WDR86: variants seen among roughly 807,000 people sequenced by gnomAD.
WDR86 encodes the protein WD repeat-containing protein 86.
Under a neutral mutation model 36.5 loss-of-function variants are expected in WDR86, and 30 were observed. The observed-to-expected ratio is 0.82, with a 90% CI of 0.61 to 1.11. The LOEUF is 1.11. Among genes scored for constraint, WDR86 ranks in the 50% most tolerant of loss-of-function variants. The pLI is 0.00. For synonymous variants in WDR86, 255 were observed against 252.9 expected (o/e 1.01, Z -0.08); for missense variants, 545 against 561.2 (o/e 0.97, Z 0.29).
chr7:151,385,061 C>T (rs751106216), intron 4 of WDR86, 27 bp downstream of exon 4: 5 of 1,565,188 alleles, frequency 3.2e-6, no homozygotes, highest in Non-Finnish European at 3.5e-6. Flanking sequence ...TGGGGTGGCA[C>T]AGGTCGTGCA....
At chr7:151,383,179 G>A (rs77239395) in intron 4 of WDR86, among the ~76,000 whole-genome samples, 25 of 109,932 alleles carry the variant, frequency 2.3e-4, no homozygotes, top group African/African-American at 4.6e-4. Context: ...GCGGCGGGGT[G>A]GGGGGGGGGA....
chr7:151,380,022 C>T (rs1798475059), downstream of WDR86, among the ~76,000 whole-genome samples: 2 of 152,240 alleles, frequency 1.3e-5, no homozygotes, highest in East Asian at 1.9e-4. Flanking sequence ...GTGGCAGCCA[C>T]AGGCCCCAAT....
downstream of WDR86, chr7:151,375,805 A>G (rs753089925): frequency 2.3e-6 from 3 of 1,302,092 alleles, no homozygotes; most frequent in South Asian, 2.4e-5. Context: ...GAATGTGTGA[A>G]GAGTTCTTAG....
intron 2 of WDR86, among the ~76,000 whole-genome samples, 156 bp from the exon 3 acceptor site, chr7:151,396,352 G>T (rs972477331): frequency 6.6e-6 from 1 of 152,146 alleles, no homozygotes; most frequent in Non-Finnish European, 1.5e-5. Flanking sequence ...AGCTCAAATC[G>T]CCCCCACCTC....
intron 3 of WDR86, among the ~76,000 whole-genome samples, chr7:151,387,750 G>T (rs945800867): frequency 1.3e-5 from 2 of 152,200 alleles, no homozygotes; most frequent in Non-Finnish European, 2.9e-5. Flanking sequence ...GACCCTCCAA[G>T]ATACTCCTCC....
chr7:151,394,608 G>A (rs377341954), intron 3 of WDR86, among the ~76,000 whole-genome samples: 8 of 152,330 alleles, frequency 5.3e-5, no homozygotes, highest in African/African-American at 1.4e-4. Context: ...CAGGTCCTCC[G>A]GCCAGGCACA....
downstream of WDR86, chr7:151,377,038 T>G: frequency 2.6e-6 from 4 of 1,534,702 alleles, no homozygotes; most frequent in East Asian, 7.1e-5. Flanking sequence ...CTGCGGTATT[T>G]TATTGTAGGA....
chr7:151,374,366 T>A, downstream of WDR86: 1 of 1,269,486 alleles, frequency 7.9e-7, no homozygotes, highest in Non-Finnish European at 1.1e-6. Context: ...CATCCGGATC[T>A]GAAGGGCAGG....
At chr7:151,376,985 C>T (rs1798322399), downstream of WDR86, 10 of 1,443,846 alleles carry the variant, frequency 6.9e-6, no homozygotes, top group East Asian at 7.5e-5. Context: ...TGACTGTGGT[C>T]GTGCAGTGTC....
intron 1 of WDR86, among the ~76,000 whole-genome samples, chr7:151,400,527 G>A (rs149870875): frequency 1.5e-4 from 23 of 152,238 alleles, no homozygotes; most frequent in East Asian, 7.7e-4. Flanking sequence ...GATTACAGGC[G>A]CATACCACTA....
chr7:151,396,010 C>A lies in WDR86; in HGVS notation c.492G>T (p.Gly164=), dbSNP rs1348991605. 1.9e-6 allele frequency: 3 copies of A among 1,601,194 alleles called. No homozygotes were observed. The highest frequency in any genetic ancestry group is 2.6e-6 in the Non-Finnish European group (3 of 1,174,436). The change falls in exon 3 of 6, where the codon GGG becomes GGT. Residue 164 remains glycine (G), a synonymous_variant. Coordinates refer to ENST00000334493, the MANE Select transcript of WDR86 (RefSeq NM_198285.3). Reference sequence around the variant, plus strand: ...CATCTGTGCTGCCGGTCACCAGAAGCCCCCCGGCCGCGGCCTCCTCCGCGC... The same window carrying A: ...CATCTGTGCTGCCGGTCACCAGAAGACCCCCGGCCGCGGCCTCCTCCGCGC... The part of the protein sequence containing the change: ...TPCAEEAAAG[G]LLVTGSTDGT...
At chr7:151,382,029 C>G (rs760116978) in intron 4 of WDR86, 48 bp from the exon 5 acceptor site, 16 of 1,524,222 alleles carry the variant, frequency 1.0e-5, no homozygotes, top group South Asian at 7.2e-5. Flanking sequence ...CTCGGCCCCC[C>G]GCAAGCAGGG....
intron 3 of WDR86, 109 bp downstream of exon 3, chr7:151,395,667 C>A: frequency 7.5e-7 from 1 of 1,335,496 alleles, no homozygotes; most frequent in Non-Finnish European, 1.0e-6. Context: ...AGGCCCCCAT[C>A]TGCAGCGCTT....
rs1799170804 is a variant in WDR86, at chr7:151,388,661, GC to G, written c.727-3439del. Among the ~76,000 whole-genome samples the G allele has an allele frequency of 6.6e-6, 1 of 152,212 alleles. No individual in the cohort carries two copies. The highest frequency in any genetic ancestry group is 2.4e-5 in the African/African-American group (1 of 41,460). The stretch of plus-strand genomic sequence containing the variant: ...CCTGTAAAAGGCGAGGGAGGCAGAG[GC>G]CCCTCTGGGCACGGTGGTTTCTCAG... On this transcript the variant is annotated intron_variant, in intron 3 of 5. Transcript: ENST00000334493. This position sits in a 1 kb window ranked among gnomAD's most constrained non-coding sequence, Gnocchi z 4.2.
At chr7:151,376,739 C>T (rs772784632), downstream of WDR86, 2 of 1,601,650 alleles carry the variant, frequency 1.2e-6, no homozygotes, top group South Asian at 1.1e-5. Context: ...CGGAGGAAGC[C>T]TGCCTCCCGA....
chr7:151,398,224 C>T (rs946827846), intron 2 of WDR86, among the ~76,000 whole-genome samples: 2 of 151,532 alleles, frequency 1.3e-5, no homozygotes, highest in Non-Finnish European at 2.9e-5. Context: ...AGTTGTGTGT[C>T]TATGTGTGTG....
Position 151,381,820 on chromosome 7 carries a change from G to GGGGCGGGGCACCT in WDR86, c.966+45_966+57dup. The GGGGCGGGGCACCT allele has an allele frequency of 6.5e-7, 1 of 1,539,746 alleles. No individual in the cohort carries two copies. On this transcript the variant is annotated intron_variant, in intron 5 of 5. Transcript: ENST00000334493. The surrounding 1 kb of genome is among the most constrained non-coding windows in gnomAD (Gnocchi z 4.8). The stretch of plus-strand genomic sequence containing the variant: ...ACACCGCTGCCCGCGTGGATGGATC[G>GGGGCGGGGCACCT]GGGCGGGGCACCTTCCCTCCCACGG...
chr7:151,391,896 C>T (rs1046307829), intron 3 of WDR86, among the ~76,000 whole-genome samples: 15 of 152,130 alleles, frequency 9.9e-5, no homozygotes, highest in African/African-American at 9.7e-5. Flanking sequence ...CCGTCCTGGG[C>T]GATGGGGGCC....
rs574712995 is a variant in WDR86 at position 151,398,424 on chromosome 7, GCA to G, written c.305+1674_305+1675del. Among the ~76,000 whole-genome samples, 32 of 78,512 alleles carry G rather than the reference GCA, an allele frequency of 4.1e-4. 1 individual carries two copies. The South Asian group carries it at 6.0e-3, about 15-fold the overall frequency. The allele number at this position is 78,512 out of a possible 152,430, so 51.5% of individuals were successfully genotyped here. A position where few individuals can be genotyped will look rare whatever the true frequency, so the allele number is the denominator to read the frequency against. On this transcript the variant is annotated intron_variant, in intron 2 of 5. Transcript: ENST00000334493. ...GTGTATATGTATGTTGTGCGTGTGTGCACATGTGTAAGTTGTGTATGAGTGTA... is the reference window on the plus strand; with the variant it reads ...GTGTATATGTATGTTGTGCGTGTGTGCATGTGTAAGTTGTGTATGAGTGTA...
Sources: gnomAD v4.1 joint callset for allele counts (sites outside exome capture counted in the v4.1 genomes callset) on GRCh38, gnomAD v4.1.1 for gene constraint, Gnocchi (gnomAD v3.1) non-coding constraint, MANE v1.5 for transcripts, NCBI Gene and HGNC (gene_info 2026-07-23, HGNC 2026-07-21) for gene names.